The following MASP1 variants were observed in gnomAD, a reference collection of about 807,000 sequenced individuals.
MASP1 encodes mannan-binding lectin serine protease 1.
In MASP1, 59 loss-of-function variants were observed where a neutral mutation model predicts 77.1. That is an observed-to-expected ratio of 0.77 (90% CI 0.62 to 0.95). The LOEUF (loss-of-function observed/expected upper bound fraction) is 0.95. Among genes scored for constraint, MASP1 ranks in the 40% least tolerant of loss-of-function variants. MASP1 has a pLI of 0.00. For synonymous variants in MASP1, 362 were observed against 354.5 expected (o/e 1.02, Z -0.24); for missense variants, 885 against 912.9 (o/e 0.97, Z 0.39).
chr3:187,243,699 A>G, intron 8 of MASP1, 78 bp from the exon 9 acceptor site: 4 of 1,550,284 alleles, frequency 2.6e-6, no homozygotes, highest in East Asian at 4.5e-5. Context: ...TATCTCATGC[A>G]GATGTACAGG....
intron 1 of MASP1, among the ~76,000 whole-genome samples, chr3:187,290,515 T>C (rs912313000): frequency 6.6e-6 from 1 of 152,214 alleles, no homozygotes; most frequent in Non-Finnish European, 1.5e-5. Context: ...TGATGTTTAA[T>C]GGCAGGTTTA....
At chr3:187,224,432 C>T (rs112065782) in intron 13 of MASP1, among the ~76,000 whole-genome samples, 1,625 of 149,438 alleles carry the variant, frequency 0.011, 20 homozygotes, top group Middle Eastern at 0.059. Context: ...CTGCAAGCTC[C>T]GCCTCCCGGG....
At chr3:187,247,073 T>G in intron 8 of MASP1, 1 of 1,388,934 alleles carries the variant, frequency 7.2e-7, no homozygotes, top group Non-Finnish European at 9.3e-7. Flanking sequence ...CACTCAGAGG[T>G]GCTAAAATAA....
intron 10 of MASP1, among the ~76,000 whole-genome samples, chr3:187,237,474 C>T (rs1342880849): frequency 6.6e-6 from 1 of 152,234 alleles, no homozygotes; most frequent in East Asian, 1.9e-4. Flanking sequence ...CCAGGGCATC[C>T]AGGGTTGGGG....
intron 2 of MASP1, 57 bp from the exon 3 acceptor site, chr3:187,262,777 C>T: frequency 6.5e-7 from 1 of 1,546,518 alleles, no homozygotes; most frequent in Non-Finnish European, 8.9e-7. Flanking sequence ...AGGCTTCTTT[C>T]CTTATCTTTA....
At position 187,236,341 on chromosome 3, in the gene MASP1, T is replaced by C. The variant is rs200791230; in HGVS notation, c.1530A>G (p.Pro510=). 4 of 1,614,248 alleles carry C rather than the reference T, an allele frequency of 2.5e-6. No individual in the cohort carries two copies. The South Asian group carries it at 3.3e-5, about 13-fold the overall frequency. Residue 510 remains proline, a synonymous_variant, in exon 11 of 11, where the codon CCA becomes CCG. Coordinates refer to ENST00000296280, the MANE Select transcript of MASP1 (RefSeq NM_139125.4). The part of the protein sequence containing the change: ...RSQRRDTTVI[P]VSKEHVTVYL... The stretch of plus-strand genomic sequence containing the variant: ...AGACGGTGACATGCTCCTTGGAGAC[T>C]GGTATCACCGTGGTGTCTCTACGCT...
At chr3:187,254,998 A>G (rs1714952512) in intron 5 of MASP1, among the ~76,000 whole-genome samples, 2 of 152,150 alleles carry the variant, frequency 1.3e-5, no homozygotes, top group Admixed American at 6.5e-5. Flanking sequence ...ACACCATGGC[A>G]GGCAGAATTC....
chr3:187,249,126 C>T (rs1433573215), intron 8 of MASP1, among the ~76,000 whole-genome samples: 8 of 152,190 alleles, frequency 5.3e-5, no homozygotes, highest in South Asian at 2.1e-4. Flanking sequence ...GGCACGATCT[C>T]GGCTCACTGC....
intron 2 of MASP1, 108 bp downstream of exon 2, chr3:187,285,717 T>G (rs1356137630): frequency 5.9e-6 from 5 of 852,568 alleles, no homozygotes; most frequent in Non-Finnish European, 1.0e-5. Flanking sequence ...ATTGTGATGT[T>G]GTGTGTCTCT....
chr3:187,276,089 T>G (rs1487685409), intron 2 of MASP1, among the ~76,000 whole-genome samples: 1 of 70,728 alleles, frequency 1.4e-5, no homozygotes, highest in South Asian at 7.0e-4. Context: ...GAATGTTCCC[T>G]CTGGTTAAAG....
rs1340098631 is a variant in MASP1, at chr3:187,235,761, C to T, written c.2110G>A (p.Val704Ile). The T allele has an allele frequency of 6.2e-7, 1 of 1,614,166 alleles. No individual in the cohort carries two copies. The highest frequency in any genetic ancestry group is 1.1e-5 in the South Asian group (1 of 91,076). The change falls in exon 11 of 11, where the codon GTC (valine) becomes ATC (isoleucine). Residue 704 changes from valine to isoleucine, a missense_variant. Physicochemically the swap from Val to Ile is conservative, Grantham distance 29 (BLOSUM62 3). Coordinates refer to ENST00000296280, the MANE Select transcript of MASP1 (RefSeq NM_139125.4). ...SKQVYGVYTK[V>I]SNYVDWVWEQ... Reference sequence around the variant, plus strand: ...CACACCCAGTCCACGTAATTGGAGACCTTTGTGTAGACTCCATAGACCTGC... The same window carrying T: ...CACACCCAGTCCACGTAATTGGAGATCTTTGTGTAGACTCCATAGACCTGC...
At chr3:187,220,184 C>T (rs760449080) in exon 16 of MASP1, 1 of 1,614,188 alleles carries the variant, frequency 6.2e-7, no homozygotes, top group South Asian at 1.1e-5. Context: ...ACAGTGCCCA[C>T]CAGGTACCAC....
chr3:187,220,459 C>T (rs952769050), intron 15 of MASP1, among the ~76,000 whole-genome samples: 4 of 151,622 alleles, frequency 2.6e-5, no homozygotes, highest in Non-Finnish European at 5.9e-5. Context: ...TGATTCAGAC[C>T]TCTTTCTTTC....
chr3:187,265,004 T>C (rs977446378), intron 2 of MASP1, among the ~76,000 whole-genome samples: 1 of 152,126 alleles, frequency 6.6e-6, no homozygotes, highest in Non-Finnish European at 1.5e-5. Flanking sequence ...TAGCTCTCAG[T>C]TATCCACTTG....
downstream of MASP1, chr3:187,230,010 C>T (rs551420231): frequency 3.2e-5 from 40 of 1,260,908 alleles, no homozygotes; most frequent in South Asian, 5.0e-4. Flanking sequence ...TTTGCTCCTC[C>T]ACCATTAATT....
At chr3:187,259,532 G>C (rs1376669028) in intron 4 of MASP1, among the ~76,000 whole-genome samples, 3 of 152,014 alleles carry the variant, frequency 2.0e-5, no homozygotes, top group Non-Finnish European at 4.4e-5. Context: ...ATTTAAAAAA[G>C]CTCCTGGTGA....
In MASP1 at chr3:187,264,638, C is replaced by T. The variant is rs13318884; in HGVS notation, c.238-1918G>A. ...AGTTGTGTAATGTCGCTTGACCTGG[C>T]GTTAAACATTGCCGGACTATAAAGC... On this transcript the variant is annotated intron_variant, in intron 2 of 10. Coordinates refer to ENST00000296280, the MANE Select transcript of MASP1 (RefSeq NM_139125.4). Among the ~76,000 whole-genome samples the T allele has an allele frequency of 8.6e-3, 1,311 of 152,216 alleles. 13 individuals are homozygous for T. The highest frequency in any genetic ancestry group is 0.031 in the Middle Eastern group (9 of 294).
chr3:187,273,235 A>G (rs1324282791), intron 2 of MASP1, among the ~76,000 whole-genome samples: 2 of 152,062 alleles, frequency 1.3e-5, no homozygotes, highest in South Asian at 2.1e-4. Flanking sequence ...AGGATTCACA[A>G]CCCAGGCTGA....
rs1246761428 is a variant in MASP1, at chr3:187,235,378, C to A, written c.*306G>T. 7.0e-7 allele frequency: 1 copy of A among 1,438,410 alleles called. No individual in the cohort carries two copies. The allele number at this position is 1,438,410 out of a possible 1,614,324, so 89.1% of individuals were successfully genotyped here. A position where few individuals can be genotyped will look rare whatever the true frequency, so the allele number is the denominator to read the frequency against. Reference sequence around the variant, plus strand: ...AGGCCACTGGGGTAAGAAGCATGGCCTGGAAAGGAGTGCTGGGATTGGCAC... The same window carrying A: ...AGGCCACTGGGGTAAGAAGCATGGCATGGAAAGGAGTGCTGGGATTGGCAC... On this transcript the variant is annotated 3_prime_UTR_variant, in exon 11 of 11. Transcript: ENST00000296280.
Sources: allele counts gnomAD v4.1 joint callset (sites outside exome capture counted in the v4.1 genomes callset), GRCh38; gene constraint gnomAD v4.1.1; transcripts MANE v1.5; gene names NCBI Gene and HGNC (gene_info 2026-07-23, HGNC 2026-07-21).